The following TMEFF2 variants were observed in gnomAD, a reference collection of about 807,000 sequenced individuals.
The protein encoded by TMEFF2 is tomoregulin-2.
Under a neutral mutation model 53.8 loss-of-function variants are expected in TMEFF2, and 28 were observed. That is an observed-to-expected ratio of 0.52 (90% confidence interval 0.39 to 0.71). The LOEUF (loss-of-function observed/expected upper bound fraction) is 0.71. TMEFF2 is among the 30% of genes least tolerant of loss of function. TMEFF2 has a pLI of 0.00. For synonymous variants in TMEFF2, 162 were observed against 166.3 expected (o/e 0.97, Z 0.20); for missense variants, 353 against 455.2 (o/e 0.78, Z 2.04).
chr2:192,092,935 A>T (rs747447077), intron 4 of TMEFF2, among the ~76,000 whole-genome samples: 11 of 152,112 alleles, frequency 7.2e-5, no homozygotes, highest in Non-Finnish European at 1.6e-4. Flanking sequence ...TGGACTTCTG[A>T]CATCCGGGGC....
chr2:192,133,490 C>T (rs1291602375), intron 4 of TMEFF2, among the ~76,000 whole-genome samples: 3 of 152,292 alleles, frequency 2.0e-5, no homozygotes, highest in Non-Finnish European at 4.4e-5. Flanking sequence ...TATAAACTCT[C>T]CTTACAATTC....
chr2:192,131,883 T>C (rs1345158463), intron 4 of TMEFF2, among the ~76,000 whole-genome samples: 3 of 152,196 alleles, frequency 2.0e-5, no homozygotes, highest in Non-Finnish European at 2.9e-5. Flanking sequence ...TTTTCCATCC[T>C]ACAAGATCTA....
chr2:192,111,292 T>C (rs2105955386), intron 4 of TMEFF2, among the ~76,000 whole-genome samples: 1 of 152,292 alleles, frequency 6.6e-6, no homozygotes, highest in Non-Finnish European at 1.5e-5. Context: ...AAAATGCTGA[T>C]AATGATGTGG....
At chr2:192,152,736 C>T (rs1208649143) in intron 4 of TMEFF2, among the ~76,000 whole-genome samples, 1 of 151,854 alleles carries the variant, frequency 6.6e-6, no homozygotes, top group East Asian at 1.9e-4. Context: ...GGCATTATTT[C>T]AACTAACAAC....
intron 7 of TMEFF2, 37 bp from the exon 8 acceptor site, chr2:191,956,415 T>TC: frequency 6.3e-7 from 1 of 1,599,052 alleles, no homozygotes; most frequent in Non-Finnish European, 8.5e-7. Flanking sequence ...CCCCTGTAAA[T>TC]ACTTAGCCTG....
intron 5 of TMEFF2, among the ~76,000 whole-genome samples, chr2:192,038,893 A>G (rs1687401278): frequency 6.6e-6 from 1 of 152,142 alleles, no homozygotes; most frequent in South Asian, 2.1e-4. Flanking sequence ...TTTAATATCC[A>G]CACTGTTCTA....
intron 4 of TMEFF2, chr2:192,177,316 A>C (rs1353743300): frequency 6.6e-6 from 1 of 151,164 alleles, no homozygotes; most frequent in Non-Finnish European, 1.5e-5. Context: ...AACCCAATGG[A>C]TATGTGAACT....
At chr2:192,106,366 A>G (rs1263048968) in intron 4 of TMEFF2, among the ~76,000 whole-genome samples, 1 of 151,750 alleles carries the variant, frequency 6.6e-6, no homozygotes, top group Non-Finnish European at 1.5e-5. Flanking sequence ...TATTGTTGAT[A>G]TTGGAAATAA....
At chr2:191,991,266 A>C (rs983824922) in intron 7 of TMEFF2, among the ~76,000 whole-genome samples, 1 of 152,114 alleles carries the variant, frequency 6.6e-6, no homozygotes. Flanking sequence ...AATAATCCAG[A>C]AACTTCTTGT....
At chr2:191,966,124 T>C (rs1335500279) in intron 7 of TMEFF2, among the ~76,000 whole-genome samples, 1 of 152,162 alleles carries the variant, frequency 6.6e-6, no homozygotes, top group African/African-American at 2.4e-5. Flanking sequence ...CCAGAAAATA[T>C]ACAAAAGTAA....
At chr2:191,999,604 G>T (rs991403347) in intron 5 of TMEFF2, among the ~76,000 whole-genome samples, 2 of 151,932 alleles carry the variant, frequency 1.3e-5, no homozygotes, top group African/African-American at 4.8e-5. Flanking sequence ...ATATTTGAAT[G>T]GTTAAAGCTT....
intron 5 of TMEFF2, among the ~76,000 whole-genome samples, chr2:192,004,701 G>A (rs189596180): frequency 6.6e-6 from 1 of 152,324 alleles, no homozygotes; most frequent in Non-Finnish European, 1.5e-5. Context: ...TGGTGAAACT[G>A]CAGGTCACTT....
At chr2:191,958,527 G>A (rs1467156584) in intron 7 of TMEFF2, among the ~76,000 whole-genome samples, 1 of 152,108 alleles carries the variant, frequency 6.6e-6, no homozygotes, top group Non-Finnish European at 1.5e-5. Context: ...ACCCCATACT[G>A]ACAGTTTGTT....
At chr2:191,966,994 G>A (rs1020623142) in intron 7 of TMEFF2, among the ~76,000 whole-genome samples, 1 of 151,144 alleles carries the variant, frequency 6.6e-6, no homozygotes, top group Non-Finnish European at 1.5e-5. Context: ...TAGAAGAAAT[G>A]TAAAATTCTC....
chr2:192,054,468 G>C (rs1274931388), intron 5 of TMEFF2, among the ~76,000 whole-genome samples: 1 of 151,914 alleles, frequency 6.6e-6, no homozygotes, highest in Non-Finnish European at 1.5e-5. Flanking sequence ...GCCATGGCTG[G>C]GCCCTGTAGA....
At chr2:192,094,551 AC>A in intron 4 of TMEFF2, among the ~76,000 whole-genome samples, 1 of 152,022 alleles carries the variant, frequency 6.6e-6, no homozygotes, top group African/African-American at 2.4e-5. Context: ...CTCAATTTTT[AC>A]CCTCTCTTAA....
intron 7 of TMEFF2, among the ~76,000 whole-genome samples, chr2:191,977,203 TAGACGGGAG>T (rs1685750818): frequency 6.6e-6 from 1 of 152,162 alleles, no homozygotes; most frequent in Non-Finnish European, 1.5e-5. Context: ...ACAAAAAACT[TAGACGGGAG>T]AGAGAGCATG....
At chr2:192,120,237 G>A (rs1689517457) in intron 4 of TMEFF2, among the ~76,000 whole-genome samples, 1 of 152,090 alleles carries the variant, frequency 6.6e-6, no homozygotes, top group Non-Finnish European at 1.5e-5. Flanking sequence ...CAGAGGACTG[G>A]CCTTACATTT....
Position 192,057,311 on chromosome 2 carries a change from GTGCTGGGAGTACAGGCC to G in TMEFF2, c.536+351_536+367del, listed in dbSNP as rs1330027044. ...GATCCTCCTGCCTTGGCCTCCCAAA[GTGCTGGGAGTACAGGCC>G]TGCTGGGAGTACAGGCCTGAGCCAT... On this transcript the variant is annotated intron_variant, in intron 5 of 9. Transcript: ENST00000272771. Among the ~76,000 whole-genome samples, 5 of 152,076 alleles carry G rather than the reference GTGCTGGGAGTACAGGCC, an allele frequency of 3.3e-5. No homozygotes were observed. In the East Asian group the frequency reaches 5.8e-4, roughly 18 times the overall value.
Sources: gnomAD v4.1 joint callset for allele counts (sites outside exome capture counted in the v4.1 genomes callset) on GRCh38, gnomAD v4.1.1 for gene constraint, MANE v1.5 for transcripts, NCBI Gene and HGNC (gene_info 2026-07-23, HGNC 2026-07-21) for gene names.